Variants in GRXCR2 observed in about 807,000 individuals in gnomAD.
The protein encoded by GRXCR2 is glutaredoxin domain-containing cysteine-rich protein 2.
GRXCR2 carries 23 observed loss-of-function variants against 24.8 expected under a neutral mutation model. The ratio of observed to expected loss-of-function variants is 0.93; its 90% CI spans 0.67 to 1.32. The LOEUF (loss-of-function observed/expected upper bound fraction) is 1.32, where lower values mean the gene tolerates loss of function less well. Ranked by LOEUF, GRXCR2 falls within the 40% of genes most tolerant of loss-of-function variation. The pLI is 0.00. For synonymous variants in GRXCR2, 130 were observed against 116.1 expected (o/e 1.12, Z -0.77); for missense variants, 315 against 303.4 (o/e 1.04, Z -0.28).
In GRXCR2 at chr5:145,872,675, G is replaced by T. The variant is rs375278376; in HGVS notation, c.294C>A (p.Gly98=). 2 of 1,607,640 alleles carry T rather than the reference G, an allele frequency of 1.2e-6. No individual in the cohort carries two copies. The highest frequency in any genetic ancestry group is 2.2e-5 in the East Asian group (1 of 44,676). Residue 98 remains glycine (G), a synonymous_variant, in exon 1 of 3, where the codon GGC becomes GGA. Coordinates refer to ENST00000377976, the MANE Select transcript of GRXCR2 (RefSeq NM_001080516.2). ...TGTAATCGTTGAACCGAGGCTGGCC[G>T]CCTGCCAAGGTGTAGGCATTACCCT... is the stretch of plus-strand genomic sequence containing the variant. ...FREGNAYTLA[G]GQPRFNDYKA...
chr5:145,908,259 A>C (rs1371487274), intron 2 of GRXCR2, among the ~76,000 whole-genome samples: 1 of 152,228 alleles, frequency 6.6e-6, no homozygotes, highest in South Asian at 2.1e-4. Flanking sequence ...GTTCAGCTCT[A>C]GGAATCCAAG....
downstream of GRXCR2, among the ~76,000 whole-genome samples, chr5:145,858,316 C>A (rs1399978814): frequency 9.7e-4 from 118 of 121,234 alleles, no homozygotes; most frequent in Admixed American, 1.5e-3. Context: ...CTGTCTCCCA[C>A]AAAAAAAAAA....
intron 2 of GRXCR2, among the ~76,000 whole-genome samples, chr5:145,921,816 A>G (rs1448805363): frequency 6.6e-6 from 1 of 152,232 alleles, no homozygotes; most frequent in Non-Finnish European, 1.5e-5. Flanking sequence ...AGCAAAGGAA[A>G]GTACAAAACT....
chr5:145,891,592 G>A (rs908530491), intron 2 of GRXCR2, among the ~76,000 whole-genome samples: 2 of 152,086 alleles, frequency 1.3e-5, no homozygotes, highest in African/African-American at 2.4e-5. Context: ...GGGGAGGGGC[G>A]CCCGCCATTG....
rs868564292 is a variant in GRXCR2, at chr5:145,859,419, T to C, written c.*314A>G. Reference sequence around the variant, plus strand: ...CCCAACCTGATGCCTGAAGTGTACATGTATTTGCTCACTGAAGCAAGAAGA... The same window carrying C: ...CCCAACCTGATGCCTGAAGTGTACACGTATTTGCTCACTGAAGCAAGAAGA... On this transcript the variant is annotated 3_prime_UTR_variant, in exon 3 of 3. Coordinates refer to ENST00000377976, the MANE Select transcript of GRXCR2 (RefSeq NM_001080516.2). The C allele has an allele frequency of 1.7e-4, 61 of 363,222 alleles. 1 individual carries two copies. In the Middle Eastern group the frequency reaches 2.3e-3, roughly 14 times the overall value. The allele number at this position is 363,222 out of a possible 1,614,324, so 22.5% of individuals were successfully genotyped here.
At chr5:145,894,422 T>C (rs958521424) in intron 2 of GRXCR2, among the ~76,000 whole-genome samples, 3 of 152,084 alleles carry the variant, frequency 2.0e-5, no homozygotes, top group Non-Finnish European at 4.4e-5. Flanking sequence ...AAGAATCAAA[T>C]AGACGCAATG....
chr5:145,896,482 A>G (rs1420343353), intron 2 of GRXCR2, among the ~76,000 whole-genome samples: 1 of 152,228 alleles, frequency 6.6e-6, no homozygotes, highest in African/African-American at 2.4e-5. Flanking sequence ...GGATATGAAC[A>G]GACACTTCTC....
intron 2 of GRXCR2, among the ~76,000 whole-genome samples, chr5:145,878,795 C>T (rs529234956): frequency 6.6e-6 from 1 of 152,130 alleles, no homozygotes; most frequent in Non-Finnish European, 1.5e-5. Context: ...GGCAGCCAGA[C>T]AGAAAGGTCA....
chr5:145,869,688 G>A (rs540990174), intron 1 of GRXCR2, among the ~76,000 whole-genome samples: 1 of 152,012 alleles, frequency 6.6e-6, no homozygotes, highest in Non-Finnish European at 1.5e-5. Context: ...CTCCCGAGTA[G>A]CTGGGACTAC....
chr5:145,928,268 G>A (rs564824374), intron 2 of GRXCR2, among the ~76,000 whole-genome samples: 11 of 152,234 alleles, frequency 7.2e-5, no homozygotes, highest in African/African-American at 2.4e-4. Flanking sequence ...TGCTGGAGAG[G>A]ATGTGGACAA....
chr5:145,891,208 G>A (rs565367337), intron 2 of GRXCR2, among the ~76,000 whole-genome samples: 4 of 152,258 alleles, frequency 2.6e-5, no homozygotes, highest in South Asian at 2.1e-4. Flanking sequence ...CAGCTTGAGC[G>A]ATGCAGAAGA....
At chr5:145,879,063 T>C (rs1179147203) in intron 2 of GRXCR2, among the ~76,000 whole-genome samples, 1 of 151,936 alleles carries the variant, frequency 6.6e-6, no homozygotes, top group Non-Finnish European at 1.5e-5. Context: ...TGGAAAGAAA[T>C]AACCAGTACC....
intron 2 of GRXCR2, among the ~76,000 whole-genome samples, chr5:145,902,127 GCT>G (rs1757034183): frequency 6.6e-6 from 1 of 152,004 alleles, no homozygotes. Context: ...ATGGGGTCTT[GCT>G]CTGTCACTCA....
chr5:145,910,630 C>T (rs1413211806), intron 2 of GRXCR2, among the ~76,000 whole-genome samples: 1 of 151,976 alleles, frequency 6.6e-6, no homozygotes, highest in East Asian at 1.9e-4. Flanking sequence ...GTCTGAGATA[C>T]AGTAGTGACA....
chr5:145,902,029 G>C (rs941086592), intron 2 of GRXCR2, among the ~76,000 whole-genome samples: 1 of 152,132 alleles, frequency 6.6e-6, no homozygotes, highest in African/African-American at 2.4e-5. Flanking sequence ...ATGATTCGGA[G>C]GTTTTTGTCC....
intron 2 of GRXCR2, among the ~76,000 whole-genome samples, chr5:145,903,686 A>G (rs1757055147): frequency 6.6e-6 from 1 of 152,182 alleles, no homozygotes; most frequent in South Asian, 2.1e-4. Flanking sequence ...TGAACATCCT[A>G]CAACTCTAAC....
At chr5:145,913,582 G>A (rs529474078) in intron 2 of GRXCR2, among the ~76,000 whole-genome samples, 1 of 152,162 alleles carries the variant, frequency 6.6e-6, no homozygotes, top group Non-Finnish European at 1.5e-5. Flanking sequence ...ATACATTGCC[G>A]GAAATTTTCT....
intron 2 of GRXCR2, among the ~76,000 whole-genome samples, chr5:145,930,456 T>C (rs1757463484): frequency 1.3e-5 from 2 of 152,224 alleles, no homozygotes; most frequent in African/African-American, 2.4e-5. Flanking sequence ...TCAGTGATAT[T>C]TTATTATTTT....
chr5:145,897,243 TTTGTTACATACA>T (rs765743888), intron 2 of GRXCR2, among the ~76,000 whole-genome samples: 9 of 121,248 alleles, frequency 7.4e-5, no homozygotes, highest in Non-Finnish European at 9.9e-5. Context: ...AAACCTGTTG[TTTGTTACATACA>T]TACATACATA....
Sources: allele counts gnomAD v4.1 joint callset (sites outside exome capture counted in the v4.1 genomes callset), GRCh38; gene constraint gnomAD v4.1.1; transcripts MANE v1.5; gene names NCBI Gene and HGNC (gene_info 2026-07-23, HGNC 2026-07-21).